Variants in CDC14B observed in about 807,000 individuals in gnomAD.
CDC14B encodes cell division cycle 14B.
In CDC14B, 22 loss-of-function variants were observed where a neutral mutation model predicts 64.2. The ratio of observed to expected loss-of-function variants is 0.34; its 90% CI spans 0.24 to 0.49. The LOEUF is 0.49. CDC14B is among the 20% of genes least tolerant of loss of function. The probability of loss-of-function intolerance (pLI) is 0.99; values close to 1 mark genes in which losing one functional copy is unlikely to be tolerated. For missense variants in CDC14B, 498 were observed against 629.9 expected (o/e 0.79, Z 2.24); for synonymous variants, 191 against 215.8 (o/e 0.89, Z 1.01).
At chr9:96,498,221 C>A (rs1833332729), downstream of CDC14B, among the ~76,000 whole-genome samples, 1 of 152,144 alleles carries the variant, frequency 6.6e-6, no homozygotes, top group South Asian at 2.1e-4. Flanking sequence ...GGGGAGACGG[C>A]AAAGTTGATG....
chr9:96,608,056 T>C (rs940644727), intron 1 of CDC14B, among the ~76,000 whole-genome samples: 6 of 152,180 alleles, frequency 3.9e-5, no homozygotes, highest in Non-Finnish European at 1.5e-5. Context: ...GATAAGGTCT[T>C]CCATGCAAAA....
At chr9:96,578,594 A>C (rs1380242447) in intron 1 of CDC14B, among the ~76,000 whole-genome samples, 2 of 152,186 alleles carry the variant, frequency 1.3e-5, no homozygotes, top group African/African-American at 2.4e-5. Context: ...AGACATACCC[A>C]ATTTGAGGCA....
chr9:96,493,592 G>A (rs1303488918), intron 13 of CDC14B, among the ~76,000 whole-genome samples: 1 of 152,222 alleles, frequency 6.6e-6, no homozygotes, highest in African/African-American at 2.4e-5. Context: ...TACTTTGGGA[G>A]GCTGAGGTGG....
At chr9:96,554,966 G>T (rs1344021399) in intron 4 of CDC14B, among the ~76,000 whole-genome samples, 1 of 152,110 alleles carries the variant, frequency 6.6e-6, no homozygotes, top group Non-Finnish European at 1.5e-5. Flanking sequence ...TGGACACTTG[G>T]CGTTTCTCAA....
chr9:96,576,884 AC>A (rs1361888821), intron 1 of CDC14B, among the ~76,000 whole-genome samples: 1 of 152,208 alleles, frequency 6.6e-6, no homozygotes, highest in Non-Finnish European at 1.5e-5. Context: ...GTGTTAGGTC[AC>A]AAGGAGATCT....
At chr9:96,585,150 T>C (rs188747796) in intron 1 of CDC14B, among the ~76,000 whole-genome samples, 7 of 152,198 alleles carry the variant, frequency 4.6e-5, no homozygotes, top group East Asian at 1.9e-4. Context: ...TTAAAATGCA[T>C]TGTCATGCCA....
At chr9:96,600,113 G>A (rs1295380424) in intron 1 of CDC14B, among the ~76,000 whole-genome samples, 4 of 151,688 alleles carry the variant, frequency 2.6e-5, no homozygotes, top group Non-Finnish European at 5.9e-5. Flanking sequence ...AAAGAATCTT[G>A]GCTGAGCATG....
intron 1 of CDC14B, among the ~76,000 whole-genome samples, chr9:96,600,461 G>A (rs1846359354): frequency 6.6e-6 from 1 of 151,612 alleles, no homozygotes. Context: ...ACACTTTTGT[G>A]AGGGAGATTA....
chr9:96,570,322 T>C (rs547113467), intron 1 of CDC14B, among the ~76,000 whole-genome samples: 1 of 152,130 alleles, frequency 6.6e-6, no homozygotes, highest in East Asian at 1.9e-4. Context: ...ATACCGTATG[T>C]GCTTGTTAAT....
At chr9:96,588,188 T>C (rs888953382) in intron 1 of CDC14B, among the ~76,000 whole-genome samples, 13 of 151,308 alleles carry the variant, frequency 8.6e-5, no homozygotes, top group African/African-American at 1.9e-4. Flanking sequence ...GGAGAGGGAG[T>C]GGGCTGTTCA....
At chr9:96,527,718 C>A (rs1198997881) in intron 9 of CDC14B, among the ~76,000 whole-genome samples, 1 of 152,112 alleles carries the variant, frequency 6.6e-6, no homozygotes, top group Non-Finnish European at 1.5e-5. Context: ...CGGGTTCACG[C>A]CCTTCTCCTG....
At chr9:96,579,174 G>A (rs1844987516) in intron 1 of CDC14B, among the ~76,000 whole-genome samples, 2 of 152,216 alleles carry the variant, frequency 1.3e-5, no homozygotes, top group South Asian at 4.2e-4. Flanking sequence ...GGACTGAATT[G>A]TGTCCCTAAA....
chr9:96,574,338 A>G (rs1488010524), intron 1 of CDC14B, among the ~76,000 whole-genome samples: 2 of 152,146 alleles, frequency 1.3e-5, no homozygotes, highest in Non-Finnish European at 2.9e-5. Context: ...TATTCAATAC[A>G]CGTGGGACAA....
rs1440459034 is a variant in CDC14B at position 96,502,681 on chromosome 9, G to A, written c.*1072C>T. 1 of 391,764 alleles carries A rather than the reference G, an allele frequency of 2.6e-6. No homozygotes were observed. The highest frequency in any genetic ancestry group is 4.5e-6 in the Non-Finnish European group (1 of 222,262). The allele number at this position is 391,764 out of a possible 1,614,324, so 24.3% of individuals were successfully genotyped here. ...CTCTGCTGTGTTCCAGTAGGGCTGC[G>A]GGAGAAGGCACTCTGCAGAGTTACT... On this transcript the variant is annotated 3_prime_UTR_variant, in exon 14 of 14. Transcript: ENST00000375241.
chr9:96,543,152 C>T (rs756936397), intron 5 of CDC14B, among the ~76,000 whole-genome samples: 6 of 151,980 alleles, frequency 3.9e-5, no homozygotes, highest in Non-Finnish European at 5.9e-5. Flanking sequence ...CTGGCTAACA[C>T]GGTGAAACCC....
intron 3 of CDC14B, among the ~76,000 whole-genome samples, chr9:96,563,840 A>T (rs1417939933): frequency 6.6e-6 from 1 of 152,126 alleles, no homozygotes; most frequent in Non-Finnish European, 1.5e-5. Context: ...ATGAAACAAA[A>T]GATCTGCCAC....
At chr9:96,499,192 T>A (rs1445487473), downstream of CDC14B, among the ~76,000 whole-genome samples, 1 of 152,148 alleles carries the variant, frequency 6.6e-6, no homozygotes, top group East Asian at 1.9e-4. Context: ...TGGGGGGTCA[T>A]GTGTGGTGTG....
In CDC14B at chr9:96,619,486, A is replaced by T. The variant is rs1847845933; in HGVS notation, c.-108T>A. 8 of 537,026 alleles carry T rather than the reference A, an allele frequency of 1.5e-5. No homozygotes were observed. The highest frequency in any genetic ancestry group is 1.9e-5 in the Non-Finnish European group (8 of 424,112). The allele number at this position is 537,026 out of a possible 1,614,324, so 33.3% of individuals were successfully genotyped here. A position where few individuals can be genotyped will look rare whatever the true frequency, so the allele number is the denominator to read the frequency against. On this transcript the variant is annotated 5_prime_UTR_variant, in exon 1 of 14. Coordinates refer to ENST00000375241, the MANE Select transcript of CDC14B (RefSeq NM_033331.4). ...CGGGCGCTCGGGGCGGCGGGCGCAG[A>T]GCGGCGCTGCGGGGACGGCGGGCGC...
intron 1 of CDC14B, among the ~76,000 whole-genome samples, chr9:96,603,851 G>A (rs904318423): frequency 1.3e-5 from 2 of 152,194 alleles, no homozygotes; most frequent in South Asian, 4.1e-4. Flanking sequence ...GACATCACAT[G>A]CGGTAACCTG....
Sources: gnomAD v4.1 joint callset for allele counts (sites outside exome capture counted in the v4.1 genomes callset) on GRCh38, gnomAD v4.1.1 for gene constraint, MANE v1.5 for transcripts, NCBI Gene and HGNC (gene_info 2026-07-23, HGNC 2026-07-21) for gene names.